The following IL6R variants were observed in gnomAD, a reference collection of about 807,000 sequenced individuals.
IL6R encodes the protein interleukin-6 receptor subunit alpha.
Under a neutral mutation model 48.3 loss-of-function variants are expected in IL6R, and 38 were observed. The observed-to-expected ratio is 0.79, with a 90% CI of 0.61 to 1.03. IL6R has a LOEUF of 1.03. IL6R is among the 50% of genes least tolerant of loss of function. IL6R has a pLI of 0.00. For synonymous variants in IL6R, 264 were observed against 256.2 expected, an observed-to-expected ratio of 1.03 and a Z score of -0.29; for missense variants, 534 against 618.3, an observed-to-expected ratio of 0.86 and a Z score of 1.45.
At chr1:154,432,837 C>G (rs1689379612) in intron 3 of IL6R, among the ~76,000 whole-genome samples, 1 of 152,226 alleles carries the variant, frequency 6.6e-6, no homozygotes, top group African/African-American at 2.4e-5. Context: ...CCCCAGCCCC[C>G]ACTGAGGCCC....
intron 9 of IL6R, among the ~76,000 whole-genome samples, chr1:154,455,441 CTTTCT>C (rs1360702717): frequency 1.3e-4 from 20 of 148,240 alleles, no homozygotes; most frequent in African/African-American, 3.5e-4. Context: ...TTTTCTTTCT[CTTTCT>C]TTTCTTTTCT....
At chr1:154,447,476 T>TAC (rs1230551409) in intron 6 of IL6R, among the ~76,000 whole-genome samples, 2,102 of 67,298 alleles carry the variant, frequency 0.031, 162 homozygotes, top group Non-Finnish European at 0.042. Context: ...TATATATATA[T>TAC]ACACACACAC....
intron 5 of IL6R, among the ~76,000 whole-genome samples, chr1:154,435,508 C>A (rs1202132001): frequency 1.3e-3 from 176 of 135,288 alleles, no homozygotes; most frequent in Admixed American, 1.3e-3. Context: ...GACTCCATGT[C>A]AAAAAAAAAA....
chr1:154,449,959 G>A lies in IL6R; in HGVS notation c.1045G>A (p.Ala349Thr). The A allele has an allele frequency of 1.2e-6, 2 of 1,609,500 alleles. No homozygotes were observed. ...DDDNILFRDS[A>T]NATSLPVQDS... ...TGATAATATTCTCTTCAGAGATTCT[G>A]CAAATGCGACAAGCCTCCCAGGTAA... Residue 349 changes from alanine to threonine, a missense_variant, in exon 8 of 10, where the codon GCA becomes ACA. By Grantham distance (58) the Ala-to-Thr change is moderately conservative. Transcript: ENST00000368485.
chr1:154,438,252 C>G (rs1371061679), intron 6 of IL6R, among the ~76,000 whole-genome samples: 1 of 151,102 alleles, frequency 6.6e-6, no homozygotes, highest in Non-Finnish European at 1.5e-5. Flanking sequence ...CATTATCTAT[C>G]AACACCCTGC....
rs370440294 is a variant in IL6R at position 154,435,961 on chromosome 1, G to A, written c.808-8G>A. 1.1e-4 allele frequency: 168 copies of A among 1,592,596 alleles called. No individual in the cohort carries two copies. In the African/African-American group the frequency reaches 2.1e-3, roughly 19 times the overall value. Reference sequence around the variant, plus strand: ...ACCTCCCCAGAGTCACCGTGCCCCCGCCCTCAGGTCAAGGACCTCCAGCAT... The same window carrying A: ...ACCTCCCCAGAGTCACCGTGCCCCCACCCTCAGGTCAAGGACCTCCAGCAT... On this transcript the variant is annotated splice_region_variant and splice_polypyrimidine_tract_variant and intron_variant, in intron 5 of 9. Coordinates refer to ENST00000368485, the MANE Select transcript of IL6R (RefSeq NM_000565.4).
chr1:154,405,360 G>A lies in IL6R; in HGVS notation c.-270G>A. On this transcript the variant is annotated 5_prime_UTR_variant, in exon 1 of 10. Transcript: ENST00000368485. This position sits in a 1 kb window ranked among gnomAD's most constrained non-coding sequence, Gnocchi z 5.2. ...AGTTCCTCAAATGTTTTCCTGCGTT[G>A]CCAGGACCGTCCGCCGCTCTGAGTC... is the stretch of plus-strand genomic sequence containing the variant. 1 of 486,930 alleles carries A rather than the reference G, an allele frequency of 2.1e-6. No homozygotes were observed. The highest frequency in any genetic ancestry group is 3.6e-6 in the Non-Finnish European group (1 of 276,164). The allele number at this position is 486,930 out of a possible 1,614,324, so 30.2% of individuals were successfully genotyped here.
At chr1:154,462,068 G>A (rs1691294890) in intron 9 of IL6R, among the ~76,000 whole-genome samples, 3 of 152,122 alleles carry the variant, frequency 2.0e-5, no homozygotes, top group Non-Finnish European at 1.5e-5. Context: ...GTGACTTTTT[G>A]CAATAAGGAA....
intron 9 of IL6R, among the ~76,000 whole-genome samples, chr1:154,461,967 G>C (rs1056510994): frequency 6.6e-6 from 1 of 152,176 alleles, no homozygotes; most frequent in African/African-American, 2.4e-5. Flanking sequence ...AACATCTTAA[G>C]TGATCCTTAA....
chr1:154,430,993 G>A (rs926406876), intron 3 of IL6R, among the ~76,000 whole-genome samples: 2 of 152,202 alleles, frequency 1.3e-5, no homozygotes, highest in African/African-American at 4.8e-5. Flanking sequence ...CGAAGATTAT[G>A]GGCGTTGCTC....
chr1:154,445,671 A>G (rs1690182243), intron 6 of IL6R, among the ~76,000 whole-genome samples: 1 of 150,248 alleles, frequency 6.7e-6, no homozygotes, highest in South Asian at 2.1e-4. Flanking sequence ...AATGGCTTGA[A>G]CCCAGGAGGC....
intron 6 of IL6R, among the ~76,000 whole-genome samples, chr1:154,438,468 C>T (rs762685720): frequency 6.6e-6 from 1 of 151,318 alleles, no homozygotes; most frequent in East Asian, 1.9e-4. Flanking sequence ...AGCCCTGTGG[C>T]GTAGTTGAAC....
intron 2 of IL6R, among the ~76,000 whole-genome samples, chr1:154,429,991 C>T (rs140577521): frequency 7.4e-4 from 113 of 152,206 alleles, no homozygotes; most frequent in Middle Eastern, 6.8e-3. Context: ...GAACCAGTGC[C>T]CTGTGTGTCG....
intron 1 of IL6R, among the ~76,000 whole-genome samples, chr1:154,408,316 C>A (rs1382565613): frequency 6.6e-6 from 1 of 152,164 alleles, no homozygotes; most frequent in East Asian, 1.9e-4. Flanking sequence ...CTTGCTTTGG[C>A]TTGCTGCTTG....
chr1:154,410,698 A>G (rs531653444), intron 1 of IL6R, among the ~76,000 whole-genome samples: 1 of 151,062 alleles, frequency 6.6e-6, no homozygotes, highest in South Asian at 2.1e-4. Context: ...AGCCTCCCCC[A>G]CTCCTGCTCA....
At chr1:154,406,689 T>C (rs1687738432) in intron 1 of IL6R, 1 of 152,190 alleles carries the variant, frequency 6.6e-6, no homozygotes, top group Non-Finnish European at 1.5e-5. Context: ...CACACTGAAT[T>C]CCAGTCCTAG....
At chr1:154,457,810 A>C (rs1478081314) in intron 9 of IL6R, among the ~76,000 whole-genome samples, 1 of 152,098 alleles carries the variant, frequency 6.6e-6, no homozygotes, top group Admixed American at 6.5e-5. Flanking sequence ...TCCTTTCTAC[A>C]TGTAGAGAGC....
At chr1:154,424,173 C>T (rs186571925) in intron 1 of IL6R, among the ~76,000 whole-genome samples, 2 of 152,306 alleles carry the variant, frequency 1.3e-5, no homozygotes, top group Admixed American at 6.5e-5. Context: ...GCAAACCGTG[C>T]GCCTGGGAGT....
At position 154,405,793 on chromosome 1, in the gene IL6R, G is replaced by C. The variant is rs897627568; in HGVS notation, c.85+79G>C. On this transcript the variant is annotated intron_variant, in intron 1 of 9. Coordinates refer to ENST00000368485, the MANE Select transcript of IL6R (RefSeq NM_000565.4). The surrounding 1 kb of genome is among the most constrained non-coding windows in gnomAD (Gnocchi z 5.2). The stretch of plus-strand genomic sequence containing the variant: ...CCGCCTTGGTCACCGCAGTCTGTGG[G>C]AGGCTGGAGGGAGGAAAGGAGGTGC... 9.3e-7 allele frequency: 1 copy of C among 1,072,472 alleles called. No individual in the cohort carries two copies. Among genetic ancestry groups the C allele is most frequent in the East Asian group, 3.1e-5 (1 of 31,992 alleles). The allele number at this position is 1,072,472 out of a possible 1,614,324, so 66.4% of individuals were successfully genotyped here. A position where few individuals can be genotyped will look rare whatever the true frequency, so the allele number is the denominator to read the frequency against.
Sources: gnomAD v4.1 joint callset for allele counts (sites outside exome capture counted in the v4.1 genomes callset) on GRCh38, gnomAD v4.1.1 for gene constraint, Gnocchi (gnomAD v3.1) non-coding constraint, MANE v1.5 for transcripts, NCBI Gene and HGNC (gene_info 2026-07-23, HGNC 2026-07-21) for gene names.